PRKD3: variants seen among roughly 807,000 people sequenced by gnomAD.
The protein encoded by PRKD3 is protein kinase D3.
In PRKD3, 47 loss-of-function variants were observed where a neutral mutation model predicts 99.2. That is an observed-to-expected ratio of 0.47 (90% CI 0.38 to 0.60). The LOEUF is 0.60. PRKD3 is among the 20% of genes least tolerant of loss of function. The pLI is 0.00. For synonymous variants in PRKD3, 392 were observed against 355.4 expected, an observed-to-expected ratio of 1.10 and a Z score of -1.16; for missense variants, 1,019 against 1,088.4, an observed-to-expected ratio of 0.94 and a Z score of 0.90.
Position 37,274,696 on chromosome 2 carries a change from T to G in PRKD3, c.1376A>C (p.Glu459Ala). The change falls in exon 11 of 19, where the codon GAA becomes GCA. Residue 459 changes from glutamate to alanine, a missense_variant and splice_region_variant. Around this residue, in one of 3 missense-constraint regions of PRKD3, gnomAD observed 710 missense variants for 692.7 expected, o/e 1.02. Coordinates refer to ENST00000234179, the MANE Select transcript of PRKD3 (RefSeq NM_005813.6). ...QNESGSKYYK[E>A]IPLSEILRIS... ...GCGGAGAATTTCTGAAAGTGGAATT[T>G]CCTGAAGTAAAAAATTAAGCATTGA... 1 of 1,611,220 alleles carries G rather than the reference T, an allele frequency of 6.2e-7. No individual in the cohort carries two copies. Among genetic ancestry groups the G allele is most frequent in the Non-Finnish European group, 8.5e-7 (1 of 1,177,934 alleles).
intron 11 of PRKD3, among the ~76,000 whole-genome samples, chr2:37,273,858 T>G (rs1669429169): frequency 6.6e-6 from 1 of 152,232 alleles, no homozygotes; most frequent in Non-Finnish European, 1.5e-5. Flanking sequence ...TTATCCAATT[T>G]AGGCTTAATT....
At chr2:37,320,746 C>T (rs1051964829) in intron 1 of PRKD3, among the ~76,000 whole-genome samples, 8 of 152,064 alleles carry the variant, frequency 5.3e-5, no homozygotes, top group African/African-American at 1.9e-4. Context: ...TTAACTACTT[C>T]TACTTTGATG....
chr2:37,324,361 A>G (rs1026770982), intron 1 of PRKD3: 1 of 333,682 alleles, frequency 3.0e-6, no homozygotes. Flanking sequence ...GCGGAGCGCG[A>G]ACCCAAGTTG....
chr2:37,275,917 C>A, intron 9 of PRKD3, 73 bp from the exon 10 acceptor site: 1 of 1,498,616 alleles, frequency 6.7e-7, no homozygotes, highest in Non-Finnish European at 8.9e-7. Context: ...TAACTTTTCC[C>A]TTCATTTACA....
At chr2:37,308,588 G>GGGAT (rs1300886447) in intron 2 of PRKD3, among the ~76,000 whole-genome samples, 1 of 144,264 alleles carries the variant, frequency 6.9e-6, no homozygotes, top group African/African-American at 2.6e-5. Context: ...CCGAGTAGTT[G>GGGAT]GGATTATAGG....
At chr2:37,287,916 G>C (rs904332472) in intron 5 of PRKD3, among the ~76,000 whole-genome samples, 1 of 152,126 alleles carries the variant, frequency 6.6e-6, no homozygotes, top group African/African-American at 2.4e-5. Context: ...TCTTCTTTTT[G>C]AGACTATGCT....
chr2:37,262,370 T>C (rs1668529750), intron 14 of PRKD3, among the ~76,000 whole-genome samples: 1 of 152,230 alleles, frequency 6.6e-6, no homozygotes, highest in Admixed American at 6.5e-5. Context: ...CACAGATTGT[T>C]TCAGTTATTT....
chr2:37,315,549 T>C (rs748604870), intron 2 of PRKD3, among the ~76,000 whole-genome samples: 1 of 152,150 alleles, frequency 6.6e-6, no homozygotes, highest in Non-Finnish European at 1.5e-5. Flanking sequence ...TAACAAGGTA[T>C]GGAGATGGGA....
chr2:37,267,896 T>A, intron 13 of PRKD3: 1 of 215,554 alleles, frequency 4.6e-6, no homozygotes, highest in Non-Finnish European at 9.1e-6. Context: ...TTATTCTAGA[T>A]TCAATGAGTC....
intron 1 of PRKD3, chr2:37,324,113 C>T (rs1336553984): frequency 8.5e-6 from 8 of 942,784 alleles, no homozygotes; most frequent in Non-Finnish European, 1.0e-5. Flanking sequence ...GGGAGCAACT[C>T]GGAACAATGC....
intron 8 of PRKD3, chr2:37,278,847 G>A (rs1669701202): frequency 6.6e-6 from 1 of 152,066 alleles, no homozygotes; most frequent in Admixed American, 6.6e-5. Context: ...TGAGGCAGGA[G>A]AATCGCTTGA....
chr2:37,258,407 T>C (rs1245777962), intron 16 of PRKD3, among the ~76,000 whole-genome samples: 2 of 152,200 alleles, frequency 1.3e-5, no homozygotes, highest in Non-Finnish European at 2.9e-5. Flanking sequence ...CTTGATAAGG[T>C]AAAGATGACT....
chr2:37,273,381 T>C (rs947145440), intron 11 of PRKD3, among the ~76,000 whole-genome samples: 2 of 152,122 alleles, frequency 1.3e-5, no homozygotes, highest in African/African-American at 4.8e-5. Flanking sequence ...TACACAGTTG[T>C]CATGATCCTC....
chr2:37,313,885 G>A (rs1671550746), intron 2 of PRKD3, among the ~76,000 whole-genome samples: 1 of 152,090 alleles, frequency 6.6e-6, no homozygotes, highest in Non-Finnish European at 1.5e-5. Context: ...CTTGCCATGG[G>A]TTTATCAGGA....
chr2:37,291,908 T>G (rs1026042512), intron 3 of PRKD3, among the ~76,000 whole-genome samples: 5 of 152,186 alleles, frequency 3.3e-5, no homozygotes, highest in Non-Finnish European at 7.3e-5. Context: ...CTATGTGCAT[T>G]ATTATGGCAT....
rs1671677188 is a variant in PRKD3 at position 37,316,670 on chromosome 2, C to G, written c.-146G>C. 2 of 1,440,696 alleles carry G rather than the reference C, an allele frequency of 1.4e-6. No individual in the cohort carries two copies. The allele number at this position is 1,440,696 out of a possible 1,614,324, so 89.2% of individuals were successfully genotyped here. The stretch of plus-strand genomic sequence containing the variant: ...TATTTCCTCTGTTAAGCCACTCATG[C>G]CGATACTTTTAAGTTTTATCAAGGA... On this transcript the variant is annotated 5_prime_UTR_variant, in exon 2 of 19. Coordinates refer to ENST00000234179, the MANE Select transcript of PRKD3 (RefSeq NM_005813.6).
intron 2 of PRKD3, among the ~76,000 whole-genome samples, chr2:37,303,524 G>T (rs902540628): frequency 7.2e-5 from 11 of 151,946 alleles, no homozygotes; most frequent in African/African-American, 2.7e-4. Flanking sequence ...CCGCTGTGGG[G>T]CCCTTAGGTT....
intron 2 of PRKD3, among the ~76,000 whole-genome samples, chr2:37,298,799 A>G (rs779532162): frequency 7.6e-4 from 116 of 152,116 alleles, no homozygotes; most frequent in Non-Finnish European, 9.7e-4. Flanking sequence ...TACTTAATTC[A>G]TTTATCAGTT....
Position 37,316,721 on chromosome 2 carries a change from C to G in PRKD3, c.-197G>C. ...GTTGAATGCCCCAAAGGTCCTATTT[C>G]TCTTAATATCAGTCCCATCAAAAAG... On this transcript the variant is annotated 5_prime_UTR_variant, in exon 2 of 19. Transcript: ENST00000234179. The G allele has an allele frequency of 7.1e-7, 1 of 1,411,948 alleles. No homozygotes were observed. The highest frequency in any genetic ancestry group is 9.2e-7 in the Non-Finnish European group (1 of 1,089,562). 87.5% of individuals were successfully genotyped at this position (1,411,948 alleles called of 1,614,324 possible).
Sources: allele counts gnomAD v4.1 joint callset (sites outside exome capture counted in the v4.1 genomes callset), GRCh38; gene constraint gnomAD v4.1.1; regional missense constraint gnomAD v4.1.1; transcripts MANE v1.5; gene names NCBI Gene and HGNC (gene_info 2026-07-23, HGNC 2026-07-21).